GLIS3: variants seen among roughly 807,000 people sequenced by gnomAD.
GLIS3 encodes the protein zinc finger protein GLIS3.
GLIS3 carries 53 observed loss-of-function variants against 78.6 expected under a neutral mutation model. That is an observed-to-expected ratio of 0.67 (90% confidence interval 0.54 to 0.85). GLIS3 has a LOEUF of 0.85. Among genes scored for constraint, GLIS3 ranks in the 40% least tolerant of loss-of-function variants. The pLI is 0.00. For missense variants in GLIS3, 1,703 were observed against 1,231.1 expected (o/e 1.38, Z -5.74); for synonymous variants, 684 against 509.9 (o/e 1.34, Z -4.60).
the GLIS3 span, among the ~76,000 whole-genome samples, chr9:4,394,657 A>T: frequency 6.6e-6 from 1 of 152,350 alleles, no homozygotes; most frequent in East Asian, 1.9e-4. Flanking sequence ...AGTCTTTCAG[A>T]AAAGGAAACC....
At chr9:4,225,056 A>T (rs1821652041) in intron 2 of GLIS3, among the ~76,000 whole-genome samples, 1 of 151,900 alleles carries the variant, frequency 6.6e-6, no homozygotes, top group African/African-American at 2.4e-5. Flanking sequence ...CTTGCACAAT[A>T]ATCACACGAG....
the GLIS3 span, among the ~76,000 whole-genome samples, chr9:4,404,305 A>G: frequency 6.6e-6 from 1 of 152,222 alleles, no homozygotes; most frequent in East Asian, 1.9e-4. Context: ...TCAGCATTGC[A>G]CAGATCTGCC....
At position 4,118,572 on chromosome 9, in the gene GLIS3, C is replaced by T. The variant is rs772739300; in HGVS notation, c.906G>A (p.Ala302=). 4.3e-6 allele frequency: 7 copies of T among 1,614,082 alleles called. No homozygotes were observed. Among genetic ancestry groups the T allele is most frequent in the Middle Eastern group, 3.3e-4 (2 of 6,084 alleles). ...RSHSARSKKR[A]LSLSPLSDGI... is the part of the protein sequence containing the mutation. ...CATCGGACAGCGGGGACAAGGACAG[C>T]GCTCTCTTCTTGGAGCGGGCCGAGT... The change falls in exon 4 of 11, where the codon GCG becomes GCA. Residue 302 remains alanine, a synonymous_variant. Transcript: ENST00000381971. The surrounding 1 kb of genome is among the most constrained non-coding windows in gnomAD (Gnocchi z 4.7).
At chr9:4,185,686 T>C (rs941869410) in intron 2 of GLIS3, among the ~76,000 whole-genome samples, 2 of 152,206 alleles carry the variant, frequency 1.3e-5, no homozygotes, top group Admixed American at 6.5e-5. Flanking sequence ...ATCATGTGGA[T>C]AGCAGTCTGC....
chr9:4,320,841 C>G (rs1817512593), intron 2 of GLIS3, among the ~76,000 whole-genome samples: 1 of 152,176 alleles, frequency 6.6e-6, no homozygotes, highest in Non-Finnish European at 1.5e-5. Flanking sequence ...AGCGGTCCAT[C>G]CATATTCATT....
chr9:4,123,176 T>C (rs1832317408), intron 3 of GLIS3, among the ~76,000 whole-genome samples: 1 of 152,132 alleles, frequency 6.6e-6, no homozygotes, highest in African/African-American at 2.4e-5. Flanking sequence ...TTTAATATTG[T>C]CAATAATTAA....
chr9:4,289,223 G>C (rs1828249577), intron 1 of GLIS3, among the ~76,000 whole-genome samples: 1 of 152,100 alleles, frequency 6.6e-6, no homozygotes, highest in African/African-American at 2.4e-5. Context: ...CAGGAATTTG[G>C]ATCTATTCAT....
At chr9:4,302,293 G>T (rs751750126), upstream of GLIS3, among the ~76,000 whole-genome samples, 1 of 152,206 alleles carries the variant, frequency 6.6e-6, no homozygotes, top group African/African-American at 2.4e-5. Context: ...AGCCCAGTCA[G>T]TATCTTCCCT....
chr9:4,418,048 C>G, the GLIS3 span, among the ~76,000 whole-genome samples: 3 of 152,264 alleles, frequency 2.0e-5, no homozygotes, highest in African/African-American at 7.2e-5. Flanking sequence ...TTGTGATAAT[C>G]AAAAAACATT....
rs202178344 is a variant in GLIS3 at position 4,286,050 on chromosome 9, T to A, written c.376A>T (p.Asn126Tyr). Reference sequence around the variant, plus strand: ...AAGACAATCCTACCTTTCCCAGGATTTGGAGGAAAAGGGCTTCCAAACTCC... The same window carrying A: ...AAGACAATCCTACCTTTCCCAGGATATGGAGGAAAAGGGCTTCCAAACTCC... ...QQEFGSPFPP[N>Y]PGKGALGFGP... The change falls in exon 2 of 11, where the codon AAT becomes TAT. Residue 126 changes from asparagine (N) to tyrosine (Y), a missense_variant. Coordinates refer to ENST00000381971, the MANE Select transcript of GLIS3 (RefSeq NM_001042413.2). 6.2e-7 allele frequency: 1 copy of A among 1,614,060 alleles called. No homozygotes were observed. Among genetic ancestry groups the A allele is most frequent in the African/African-American group, 1.3e-5 (1 of 75,034 alleles).
chr9:4,357,587 G>GTC, the GLIS3 span, among the ~76,000 whole-genome samples: 1 of 151,838 alleles, frequency 6.6e-6, no homozygotes, highest in Non-Finnish European at 1.5e-5. Flanking sequence ...GTGTGTGTGT[G>GTC]TGCATGTGTA....
At chr9:4,321,684 C>G (rs1319724174) in intron 2 of GLIS3, among the ~76,000 whole-genome samples, 1 of 141,562 alleles carries the variant, frequency 7.1e-6, no homozygotes, top group Non-Finnish European at 1.5e-5. Flanking sequence ...AAGGTAACTA[C>G]CATCTCTGCA....
rs184079588 is a variant in GLIS3, at chr9:4,182,514, T to C, written c.389-56573A>G. ...GTGACAGTATAGGGCAGAGGTTGAA[T>C]TGAAAAATGGATTAAAAACTGAGAA... On this transcript the variant is annotated intron_variant, in intron 2 of 10. Transcript: ENST00000381971. Among the ~76,000 whole-genome samples, 112 of 152,220 alleles carry C rather than the reference T, an allele frequency of 7.4e-4. 1 individual carries two copies. The highest frequency in any genetic ancestry group is 9.7e-4 in the Non-Finnish European group (66 of 68,010).
intron 9 of GLIS3, among the ~76,000 whole-genome samples, chr9:3,853,981 G>A (rs962092842): frequency 1.3e-5 from 2 of 152,162 alleles, no homozygotes; most frequent in Non-Finnish European, 2.9e-5. Flanking sequence ...CCAATTATAT[G>A]ATGCCACTGT....
intron 2 of GLIS3, among the ~76,000 whole-genome samples, chr9:4,332,005 T>G (rs140167008): frequency 6.6e-6 from 1 of 152,202 alleles, no homozygotes; most frequent in Non-Finnish European, 1.5e-5. Context: ...GGAGTCCTTA[T>G]GTACTTAAAG....
At chr9:3,919,672 A>C (rs1244606515) in intron 6 of GLIS3, among the ~76,000 whole-genome samples, 2 of 151,692 alleles carry the variant, frequency 1.3e-5, no homozygotes, top group Non-Finnish European at 2.9e-5. Flanking sequence ...TAAAAATAAA[A>C]AAAAATAATA....
rs373009299 is a variant in GLIS3 at position 3,829,320 on chromosome 9, C to T, written c.2646G>A (p.Ser882=). The T allele has an allele frequency of 2.2e-5, 35 of 1,613,840 alleles. No individual in the cohort carries two copies. The highest frequency in any genetic ancestry group is 1.7e-4 in the African/African-American group (13 of 75,004). ...AGACAACCAACACACCTGTAATGCCCGAGTGAGTCGAGAAGGCTCTGTGGA... is the reference window on the plus strand; with the variant it reads ...AGACAACCAACACACCTGTAATGCCTGAGTGAGTCGAGAAGGCTCTGTGGA... ...DVFHRAFSTH[S]GITVYDLPSS... Residue 882 remains serine (S), a synonymous_variant, in exon 10 of 11, where the codon TCG becomes TCA. Coordinates refer to ENST00000381971, the MANE Select transcript of GLIS3 (RefSeq NM_001042413.2).
At chr9:4,169,029 G>A (rs550163399) in intron 2 of GLIS3, among the ~76,000 whole-genome samples, 13 of 152,062 alleles carry the variant, frequency 8.5e-5, no homozygotes, top group Non-Finnish European at 1.8e-4. Flanking sequence ...TTTTCCTATG[G>A]GTCACAGATC....
chr9:4,353,844 T>C, the GLIS3 span, among the ~76,000 whole-genome samples: 1 of 152,134 alleles, frequency 6.6e-6, no homozygotes, highest in Non-Finnish European at 1.5e-5. Flanking sequence ...CAGTCTCCTC[T>C]GAAGAACTGC....
Sources: allele counts gnomAD v4.1 joint callset (sites outside exome capture counted in the v4.1 genomes callset), GRCh38; gene constraint gnomAD v4.1.1; non-coding constraint Gnocchi (gnomAD v3.1); transcripts MANE v1.5; gene names NCBI Gene and HGNC (gene_info 2026-07-23, HGNC 2026-07-21).